Variants in KCNQ1 observed in about 807,000 individuals in gnomAD.
KCNQ1 encodes potassium voltage-gated channel subfamily Q member 1.
KCNQ1 carries 49 observed loss-of-function variants against 72.4 expected under a neutral mutation model. That is an observed-to-expected ratio of 0.68 (90% CI 0.54 to 0.86). The LOEUF is 0.86. Ranked by LOEUF, KCNQ1 falls within the 40% of genes least tolerant of loss-of-function variation. The pLI is 0.00. For synonymous variants in KCNQ1, 450 were observed against 412.6 expected (o/e 1.09, Z -1.10); for missense variants, 790 against 945.1 (o/e 0.84, Z 2.15).
chr11:2,842,322 G>A (rs1439813679), intron 15 of KCNQ1, among the ~76,000 whole-genome samples: 1 of 152,220 alleles, frequency 6.6e-6, no homozygotes. Flanking sequence ...GTGACCATGG[G>A]TCCCAGACTC....
At position 2,478,478 on chromosome 11, in the gene KCNQ1, A is replaced by G. The variant is rs546639849; in HGVS notation, c.386+32994A>G. Among the ~76,000 whole-genome samples, 2 of 152,350 alleles carry G rather than the reference A, an allele frequency of 1.3e-5. No individual in the cohort carries two copies. Among genetic ancestry groups the G allele is most frequent in the East Asian group, 1.9e-4 (1 of 5,184 alleles). ...AAGGAAGAACAAAGGAACATCTTAC[A>G]TGATGACAGGCAAAGAGATAATGAA... On this transcript the variant is annotated intron_variant, in intron 1 of 15. Coordinates refer to ENST00000155840, the MANE Select transcript of KCNQ1 (RefSeq NM_000218.3). The surrounding 1 kb of genome is among the most constrained non-coding windows in gnomAD (Gnocchi z 4.0).
At chr11:2,571,468 G>T in intron 4 of KCNQ1, 65 bp downstream of exon 4, 1 of 1,402,098 alleles carries the variant, frequency 7.1e-7, no homozygotes. Context: ...CCTGAGCCGC[G>T]GGTGGTCTCA....
Position 2,589,743 on chromosome 11 carries a change from C to T in KCNQ1, c.1393+889C>T, listed in dbSNP as rs1013247147. On this transcript the variant is annotated intron_variant, in intron 10 of 15. Transcript: ENST00000155840. The stretch of plus-strand genomic sequence containing the variant: ...AGAAGTGCAGCTGGCTGAGCACAGA[C>T]ACAGCAGGTGACCTGTGGTGATGCC... 5.6e-4 allele frequency among the ~76,000 whole-genome samples: 85 copies of T among 152,338 alleles called. 1 individual carries two copies. Among genetic ancestry groups the T allele is most frequent in the Middle Eastern group, 3.4e-3 (1 of 294 alleles).
chr11:2,778,117 A>C (rs1846745837), intron 15 of KCNQ1, 80 bp downstream of exon 15: 2 of 1,384,416 alleles, frequency 1.4e-6, no homozygotes, highest in Non-Finnish European at 2.0e-6. Flanking sequence ...CTGCGTGTGA[A>C]CGTGAAGCTC....
At chr11:2,445,554 C>A in intron 1 of KCNQ1, 70 bp downstream of exon 1, 1 of 1,527,036 alleles carries the variant, frequency 6.5e-7, no homozygotes, top group African/African-American at 1.4e-5. Flanking sequence ...GAGCTCTGTC[C>A]CAGCGCCACC....
At chr11:2,706,989 C>T (rs1850922558) in intron 11 of KCNQ1, among the ~76,000 whole-genome samples, 1 of 152,136 alleles carries the variant, frequency 6.6e-6, no homozygotes, top group Admixed American at 6.5e-5. Context: ...TAACGGGTGA[C>T]CTTTTCTCCC....
Position 2,673,738 on chromosome 11 carries a change from G to A in KCNQ1, c.1514+11657G>A. ...GGGCTTGGAAGGCCCAGACTGGACA[G>A]GGGAAGGGGTACAGTCCCTTCTTGC... On this transcript the variant is annotated intron_variant, in intron 11 of 15. Transcript: ENST00000155840. This position sits in a 1 kb window ranked among gnomAD's most constrained non-coding sequence, Gnocchi z 4.5. The A allele has an allele frequency of 2.5e-6, 1 of 398,732 alleles. No individual in the cohort carries two copies. The allele number at this position is 398,732 out of a possible 1,614,324, so 24.7% of individuals were successfully genotyped here.
At chr11:2,616,000 T>C (rs374718589) in intron 10 of KCNQ1, 7 of 398,194 alleles carry the variant, frequency 1.8e-5, no homozygotes, top group South Asian at 1.3e-4. Context: ...ATTTTCTTCA[T>C]TGGAAGGTTT....
intron 6 of KCNQ1, among the ~76,000 whole-genome samples, chr11:2,575,101 G>A (rs1038568549): frequency 2.6e-5 from 4 of 152,186 alleles, no homozygotes; most frequent in East Asian, 1.9e-4. Flanking sequence ...CCCAGCCTTC[G>A]CTGCTGCCCT....
chr11:2,458,127 CT>C lies in KCNQ1; in HGVS notation c.386+12644del, dbSNP rs1379396357. Among the ~76,000 whole-genome samples, 1 of 152,036 alleles carries C rather than the reference CT, an allele frequency of 6.6e-6. No homozygotes were observed. Among genetic ancestry groups the C allele is most frequent in the Non-Finnish European group, 1.5e-5 (1 of 67,988 alleles). On this transcript the variant is annotated intron_variant, in intron 1 of 15. Transcript: ENST00000155840. The surrounding 1 kb of genome is among the most constrained non-coding windows in gnomAD (Gnocchi z 4.6). ...AGGCAGGGAAGTTATCAGAGGCCCC[CT>C]AGGGCCATGTCACTGGAACTTGAAG...
intron 15 of KCNQ1, among the ~76,000 whole-genome samples, chr11:2,793,608 A>C (rs1305707457): frequency 1.3e-5 from 2 of 152,206 alleles, no homozygotes; most frequent in Admixed American, 6.5e-5. Context: ...TGGGCAACAC[A>C]GTGAGATCCT....
intron 10 of KCNQ1, chr11:2,655,062 A>G (rs1041741700): frequency 1.0e-5 from 4 of 398,540 alleles, no homozygotes; most frequent in African/African-American, 8.2e-5. Flanking sequence ...GTTTCCTTCT[A>G]GTCTTTTTTC....
At chr11:2,847,577 G>GCA (rs1183305601) in intron 15 of KCNQ1, among the ~76,000 whole-genome samples, 190 bp from the exon 16 acceptor site, 7 of 152,304 alleles carry the variant, frequency 4.6e-5, no homozygotes, top group East Asian at 1.9e-4. Context: ...CACATTCCTT[G>GCA]CACACACACA....
rs74390904 is a variant in KCNQ1, at chr11:2,598,993, C to A, written c.1393+10139C>A. Among the ~76,000 whole-genome samples the A allele has an allele frequency of 3.7e-3, 571 of 152,320 alleles. 7 individuals are homozygous for A. The highest frequency in any genetic ancestry group is 0.013 in the African/African-American group (553 of 41,564). On this transcript the variant is annotated intron_variant, in intron 10 of 15. Transcript: ENST00000155840. The surrounding 1 kb of genome is among the most constrained non-coding windows in gnomAD (Gnocchi z 6.2). ...TATCAATACCAGATCTGAATAGGGG[C>A]TATTCTTTCTTTTAGTGTCCTTAAT...
intron 11 of KCNQ1, chr11:2,667,127 A>C (rs892985118): frequency 2.5e-6 from 1 of 398,536 alleles, no homozygotes; most frequent in Non-Finnish European, 4.4e-6. Context: ...GCTCAGTGGG[A>C]AAGAGATGGG....
intron 11 of KCNQ1, among the ~76,000 whole-genome samples, chr11:2,729,070 C>A (rs1036109050): frequency 2.0e-5 from 3 of 152,220 alleles, no homozygotes; most frequent in African/African-American, 7.2e-5. Flanking sequence ...CACACTCCCA[C>A]CCCCCGCCTG....
In KCNQ1 at chr11:2,647,250, TC is replaced by T. The variant is rs1179195153; in HGVS notation, c.1394-14709del. 5.0e-6 allele frequency: 2 copies of T among 398,414 alleles called. No homozygotes were observed. The highest frequency in any genetic ancestry group is 4.1e-5 in the African/African-American group (2 of 48,636). 24.7% of individuals were successfully genotyped at this position (398,414 alleles called of 1,614,324 possible). A position where few individuals can be genotyped will look rare whatever the true frequency, so the allele number is the denominator to read the frequency against. ...AGATGATCATGTATTTTTTTGTCCT[TC>T]CTTCTGTTAATGTGATGTATCACAT... On this transcript the variant is annotated intron_variant, in intron 10 of 15. Transcript: ENST00000155840. This position sits in a 1 kb window ranked among gnomAD's most constrained non-coding sequence, Gnocchi z 4.0.
intron 1 of KCNQ1, among the ~76,000 whole-genome samples, chr11:2,459,644 C>T (rs1054671575): frequency 1.3e-5 from 2 of 152,130 alleles, no homozygotes; most frequent in African/African-American, 4.8e-5. Context: ...GAGGGCGGCC[C>T]TGGGGGTGAA....
chr11:2,514,470 G>C (rs1279388153), intron 1 of KCNQ1, among the ~76,000 whole-genome samples: 1 of 152,214 alleles, frequency 6.6e-6, no homozygotes, highest in Non-Finnish European at 1.5e-5. Context: ...GGGACACCCA[G>C]TGTTCTCTGT....
Sources: gnomAD v4.1 joint callset for allele counts (sites outside exome capture counted in the v4.1 genomes callset) on GRCh38, gnomAD v4.1.1 for gene constraint, Gnocchi (gnomAD v3.1) non-coding constraint, MANE v1.5 for transcripts, NCBI Gene and HGNC (gene_info 2026-07-23, HGNC 2026-07-21) for gene names.